PPP1R14A: variants seen among roughly 807,000 people sequenced by gnomAD.
The protein encoded by PPP1R14A is protein phosphatase 1 regulatory subunit 14A.
Under a neutral mutation model 14.1 loss-of-function variants are expected in PPP1R14A, and 9 were observed. That is an observed-to-expected ratio of 0.64 (90% CI 0.38 to 1.11). The LOEUF is 1.11. Ranked by LOEUF, PPP1R14A falls within the 50% of genes most tolerant of loss-of-function variation. The pLI is 0.01. For missense variants in PPP1R14A, 208 were observed against 200.7 expected, an observed-to-expected ratio of 1.04 and a Z score of -0.22; for synonymous variants, 93 against 88.7, an observed-to-expected ratio of 1.05 and a Z score of -0.27.
chr19:38,251,466 C>T lies in PPP1R14A; in HGVS notation c.316-20G>A. ...GAAGTCCTGAGACAGGGTGGGGGAG[C>T]TGAGAACATGGGAACAGTGCGGGGG... On this transcript the variant is annotated intron_variant, in intron 3 of 3. Coordinates refer to ENST00000301242, the MANE Select transcript of PPP1R14A (RefSeq NM_033256.3). 6.4e-7 allele frequency: 1 copy of T among 1,553,610 alleles called. No homozygotes were observed. The highest frequency in any genetic ancestry group is 8.6e-7 in the Non-Finnish European group (1 of 1,160,384).
intron 1 of PPP1R14A, among the ~76,000 whole-genome samples, chr19:38,255,629 C>T (rs1468461173): frequency 1.4e-5 from 2 of 140,320 alleles, no homozygotes; most frequent in African/African-American, 2.5e-5. Flanking sequence ...GTGACCCCCC[C>T]CCAGCCCCCG....
intron 1 of PPP1R14A, among the ~76,000 whole-genome samples, chr19:38,254,125 G>A (rs1968220589): frequency 1.3e-5 from 2 of 152,112 alleles, no homozygotes; most frequent in Non-Finnish European, 2.9e-5. Flanking sequence ...CACCATTGTC[G>A]CACCATGAAG....
Position 38,256,266 on chromosome 19 carries a change from C to T in PPP1R14A, c.74G>A (p.Gly25Asp). 6.5e-7 allele frequency: 1 copy of T among 1,545,482 alleles called. No individual in the cohort carries two copies. Among genetic ancestry groups the T allele is most frequent in the Non-Finnish European group, 8.7e-7 (1 of 1,151,276 alleles). ...CCGCTTCTGCAGCCCCCCGGGACTG[C>T]CCCCTGGCCCGCGGGCCCGCGATGG... ...QSPSRARGPGGSPGGLQKRHA... is the reference protein window; with the variant it reads ...QSPSRARGPGDSPGGLQKRHA... The change falls in exon 1 of 4, where the codon GGC (glycine) becomes GAC (aspartate). Residue 25 changes from glycine to aspartate, a missense_variant. Physicochemically the swap from Gly to Asp is moderately conservative, Grantham distance 94. Transcript: ENST00000301242. This position sits in a 1 kb window ranked among gnomAD's most constrained non-coding sequence, Gnocchi z 5.7.
intron 3 of PPP1R14A, 118 bp from the exon 4 acceptor site, chr19:38,251,564 G>T: frequency 2.8e-6 from 2 of 701,906 alleles, no homozygotes; most frequent in Non-Finnish European, 4.4e-6. Context: ...GGGGTGGGGG[G>T]AGTTAGGGGC....
Position 38,252,837 on chromosome 19 carries a change from C to T in PPP1R14A, c.282+57G>A, listed in dbSNP as rs1968204482. The T allele has an allele frequency of 2.4e-6, 3 of 1,229,502 alleles. No individual in the cohort carries two copies. The highest frequency in any genetic ancestry group is 3.6e-6 in the Non-Finnish European group (3 of 829,526). The allele number at this position is 1,229,502 out of a possible 1,614,324, so 76.2% of individuals were successfully genotyped here. A position where few individuals can be genotyped will look rare whatever the true frequency, so the allele number is the denominator to read the frequency against. ...CACTCAGTAAACACGTGAACTATTG[C>T]TATTATTTTTAGGGAGGTGCAAAGT... On this transcript the variant is annotated intron_variant, in intron 2 of 3. Transcript: ENST00000301242. This position sits in a 1 kb window ranked among gnomAD's most constrained non-coding sequence, Gnocchi z 4.1.
In PPP1R14A at chr19:38,256,319, G is replaced by A. The variant is rs1968249186; in HGVS notation, c.21C>T (p.Gly7=). The A allele has an allele frequency of 6.6e-7, 1 of 1,508,338 alleles. No individual in the cohort carries two copies. Among genetic ancestry groups the A allele is most frequent in the East Asian group, 2.6e-5 (1 of 38,764 alleles). The allele number at this position is 1,508,338 out of a possible 1,614,324, so 93.4% of individuals were successfully genotyped here. Residue 7 remains glycine, a synonymous_variant, in exon 1 of 4, where the codon GGC becomes GGT. Transcript: ENST00000301242. The surrounding 1 kb of genome is among the most constrained non-coding windows in gnomAD (Gnocchi z 5.7). ...ACTGCAGCTTGCTCAGCACGCGCTT[G>A]CCCAGCCGCTGAGCTGCCATCGCGC... MAAQRL[G]KRVLSKLQSP...
In PPP1R14A at chr19:38,256,283, C is replaced by T; in HGVS notation, c.57G>A (p.Arg19=). ...CGGGACTGCCCCCTGGCCCGCGGGC[C>T]CGCGATGGAGACTGCAGCTTGCTCA... is the stretch of plus-strand genomic sequence containing the variant. ...RVLSKLQSPS[R]ARGPGGSPGG... The change falls in exon 1 of 4, where the codon CGG becomes CGA. Residue 19 remains arginine (R), a synonymous_variant. Transcript: ENST00000301242. The surrounding 1 kb of genome is among the most constrained non-coding windows in gnomAD (Gnocchi z 5.7). 6.5e-7 allele frequency: 1 copy of T among 1,540,944 alleles called. No homozygotes were observed. The highest frequency in any genetic ancestry group is 8.7e-7 in the Non-Finnish European group (1 of 1,149,534).
In PPP1R14A at chr19:38,252,223, G is replaced by C; in HGVS notation, c.315+83C>G. 1 of 1,396,878 alleles carries C rather than the reference G, an allele frequency of 7.2e-7. No homozygotes were observed. The highest frequency in any genetic ancestry group is 1.0e-6 in the Non-Finnish European group (1 of 1,003,626). 86.5% of individuals were successfully genotyped at this position (1,396,878 alleles called of 1,614,324 possible). ...GTGGGGCCGGGTGGTGTTCCCCAGA[G>C]ACCCTTCTGCCAGCTTCTTCCCCCT... On this transcript the variant is annotated intron_variant, in intron 3 of 3. Transcript: ENST00000301242. The surrounding 1 kb of genome is among the most constrained non-coding windows in gnomAD (Gnocchi z 4.1).
intron 1 of PPP1R14A, 120 bp from the exon 2 acceptor site, chr19:38,253,094 T>C (rs897355044): frequency 4.1e-6 from 3 of 740,216 alleles, no homozygotes; most frequent in Admixed American, 4.4e-5. Flanking sequence ...GGAGCATTAA[T>C]GTGGCAGTCC....
At position 38,252,109 on chromosome 19, in the gene PPP1R14A, GGGGAGAGA is replaced by G; in HGVS notation, c.315+189_315+196del. 1 of 612,152 alleles carries G rather than the reference GGGGAGAGA, an allele frequency of 1.6e-6. No homozygotes were observed. The highest frequency in any genetic ancestry group is 2.9e-6 in the Non-Finnish European group (1 of 344,654). The allele number at this position is 612,152 out of a possible 1,614,324, so 37.9% of individuals were successfully genotyped here. On this transcript the variant is annotated intron_variant, in intron 3 of 3. Coordinates refer to ENST00000301242, the MANE Select transcript of PPP1R14A (RefSeq NM_033256.3). This position sits in a 1 kb window ranked among gnomAD's most constrained non-coding sequence, Gnocchi z 4.1. Reference sequence around the variant, plus strand: ...CAGAATGGAGCCCCCTCAGCAGATGGGGGAGAGAGGGAGAGAGACAAGTAGGAGGACAA... The same window carrying G: ...CAGAATGGAGCCCCCTCAGCAGATGGGGGAGAGAGACAAGTAGGAGGACAA...
chr19:38,253,142 G>T (rs371673326), intron 1 of PPP1R14A, 168 bp from the exon 2 acceptor site: 31 of 604,566 alleles, frequency 5.1e-5, no homozygotes, highest in South Asian at 4.7e-4. Flanking sequence ...TGGGTGTTGG[G>T]GGGGAGGGGT....
chr19:38,255,990 A>G (rs1336082773), intron 1 of PPP1R14A, 149 bp downstream of exon 1: 3 of 669,274 alleles, frequency 4.5e-6, no homozygotes, highest in Admixed American at 6.4e-5. Context: ...GGCCAGGCCA[A>G]TGAGTGCCCG....
At position 38,252,959 on chromosome 19, in the gene PPP1R14A, C is replaced by T. The variant is rs576186615; in HGVS notation, c.217G>A (p.Asp73Asn). The T allele has an allele frequency of 5.0e-6, 8 of 1,613,838 alleles. No homozygotes were observed. The highest frequency in any genetic ancestry group is 2.2e-5 in the South Asian group (2 of 91,076). ...AACAATTCATCAATGTTGATCTCATCGGGCATGTCTGCCTCCTAGGGCCAG... is the reference window on the plus strand; with the variant it reads ...AACAATTCATCAATGTTGATCTCATTGGGCATGTCTGCCTCCTAGGGCCAG... The part of the protein sequence containing the change: ...LYRGMEADMP[D>N]EINIDELLEL... Residue 73 changes from aspartate (D) to asparagine (N), a missense_variant, in exon 2 of 4, where the codon GAT (aspartate) becomes AAT (asparagine). By Grantham distance (23) the Asp-to-Asn change is conservative. Transcript: ENST00000301242. This position sits in a 1 kb window ranked among gnomAD's most constrained non-coding sequence, Gnocchi z 4.1.
At chr19:38,251,924 C>T (rs1478016023) in intron 3 of PPP1R14A, 5 of 362,308 alleles carry the variant, frequency 1.4e-5, no homozygotes, top group African/African-American at 2.1e-5. Context: ...TTGGGCCGCT[C>T]AGCTTCAGGG....
chr19:38,253,199 CTGGGCCCATGGGCCCCGGG>C, intron 1 of PPP1R14A: 1 of 511,082 alleles, frequency 2.0e-6, no homozygotes, highest in Non-Finnish European at 3.5e-6. Context: ...AGCCCGATGC[CTGGGCCCATGGGCCCCGGG>C]AGCCTCGGGG....
chr19:38,252,291 GGA>G lies in PPP1R14A; in HGVS notation c.315+13_315+14del. Reference sequence around the variant, plus strand: ...GGGGCCAGAACAGGGAGAGAATGAGGGAGAGAAAACTCACCTCGACAGGTTTC... The same window carrying G: ...GGGGCCAGAACAGGGAGAGAATGAGGGAGAAAACTCACCTCGACAGGTTTC... On this transcript the variant is annotated intron_variant, in intron 3 of 3. Transcript: ENST00000301242. This position sits in a 1 kb window ranked among gnomAD's most constrained non-coding sequence, Gnocchi z 4.1. 6.2e-7 allele frequency: 1 copy of G among 1,610,472 alleles called. No homozygotes were observed. Among genetic ancestry groups the G allele is most frequent in the Non-Finnish European group, 8.5e-7 (1 of 1,178,316 alleles).
chr19:38,252,253 C>G lies in PPP1R14A; in HGVS notation c.315+53G>C, dbSNP rs769911774. The G allele has an allele frequency of 5.1e-6, 8 of 1,578,334 alleles. No homozygotes were observed. In the African/African-American group the frequency reaches 9.4e-5, roughly 19 times the overall value. ...TTCTGCCAGCTTCTTCCCCCTCCCC[C>G]ATCAGAGTACTTGGGGCCAGAACAG... On this transcript the variant is annotated intron_variant, in intron 3 of 3. Transcript: ENST00000301242. This position sits in a 1 kb window ranked among gnomAD's most constrained non-coding sequence, Gnocchi z 4.1.
At position 38,251,378 on chromosome 19, in the gene PPP1R14A, G is replaced by C; in HGVS notation, c.384C>G (p.Ser128Arg). 1.3e-6 allele frequency: 2 copies of C among 1,561,926 alleles called. No homozygotes were observed. The highest frequency in any genetic ancestry group is 1.7e-6 in the Non-Finnish European group (2 of 1,162,406). ...GGCTGAGGCTGCCGTCGTGGGAGGG[G>C]CTTGGCTGGCGGAGGCCGGGCTGCC... ...LHRQPGLRQP[S>R]PSHDGSLSPL... The change falls in exon 4 of 4, where the codon AGC becomes AGG. Residue 128 changes from serine to arginine, a missense_variant. By Grantham distance (110) the Ser-to-Arg change is moderately radical. Transcript: ENST00000301242.
chr19:38,256,320 C>A lies in PPP1R14A; in HGVS notation c.20G>T (p.Gly7Val). 6.6e-7 allele frequency: 1 copy of A among 1,508,694 alleles called. No homozygotes were observed. The highest frequency in any genetic ancestry group is 8.8e-7 in the Non-Finnish European group (1 of 1,134,056). 93.5% of individuals were successfully genotyped at this position (1,508,694 alleles called of 1,614,324 possible). A position where few individuals can be genotyped will look rare whatever the true frequency, so the allele number is the denominator to read the frequency against. MAAQRL[G>V]KRVLSKLQSP... is the part of the protein sequence containing the mutation. ...CTGCAGCTTGCTCAGCACGCGCTTG[C>A]CCAGCCGCTGAGCTGCCATCGCGCT... The change falls in exon 1 of 4, where the codon GGC (glycine) becomes GTC (valine). Residue 7 changes from glycine to valine, a missense_variant. By Grantham distance (109) the Gly-to-Val change is moderately radical. Transcript: ENST00000301242. This position sits in a 1 kb window ranked among gnomAD's most constrained non-coding sequence, Gnocchi z 5.7.
Sources: allele counts gnomAD v4.1 joint callset (sites outside exome capture counted in the v4.1 genomes callset), GRCh38; gene constraint gnomAD v4.1.1; non-coding constraint Gnocchi (gnomAD v3.1); transcripts MANE v1.5; gene names NCBI Gene and HGNC (gene_info 2026-07-23, HGNC 2026-07-21).